Variants in EHMT1 observed in about 807,000 individuals in gnomAD.
EHMT1 encodes the protein euchromatic histone lysine methyltransferase 1, also known as histone-lysine N-methyltransferase EHMT1.
In EHMT1, 15 loss-of-function variants were observed where a neutral mutation model predicts 147.2. The observed-to-expected ratio is 0.10, with a 90% CI of 0.07 to 0.16. The LOEUF (loss-of-function observed/expected upper bound fraction) is 0.16. EHMT1 is among the 10% of genes least tolerant of loss of function. The pLI is 1.00. For missense variants in EHMT1, 1,587 were observed against 1,772.4 expected (o/e 0.90, Z 1.88); for synonymous variants, 795 against 709.6 (o/e 1.12, Z -1.91).
chr9:137,651,784 C>T lies in EHMT1; in HGVS notation c.21+32735C>T, dbSNP rs569539742. Among the ~76,000 whole-genome samples the T allele has an allele frequency of 8.6e-5, 13 of 152,024 alleles. No individual in the cohort carries two copies. In the East Asian group the frequency reaches 1.2e-3, roughly 14 times the overall value. On this transcript the variant is annotated intron_variant, in intron 1 of 26. Transcript: ENST00000460843. ...CACTCCAGCCTGAGTGACAGCGAGA[C>T]GCCGTCTCAAGAAAAGAAAAAAAAA...
intron 1 of EHMT1, among the ~76,000 whole-genome samples, chr9:137,664,143 G>C (rs1939377160): frequency 6.6e-6 from 1 of 152,038 alleles, no homozygotes; most frequent in African/African-American, 2.4e-5. Context: ...GGGCTCAAGT[G>C]ATCCTGCTGC....
chr9:137,707,202 A>G (rs1325449565), intron 1 of EHMT1, among the ~76,000 whole-genome samples: 1 of 152,220 alleles, frequency 6.6e-6, no homozygotes, highest in Non-Finnish European at 1.5e-5. Context: ...CGTCAGCCAT[A>G]AGGAGACTTG....
At chr9:137,658,202 G>A (rs1938683380) in intron 1 of EHMT1, among the ~76,000 whole-genome samples, 1 of 152,152 alleles carries the variant, frequency 6.6e-6, no homozygotes, top group Non-Finnish European at 1.5e-5. Flanking sequence ...CCAGGCTGGA[G>A]TGCTGCGGCA....
intron 1 of EHMT1, among the ~76,000 whole-genome samples, chr9:137,696,613 C>T (rs1588217960): frequency 6.6e-6 from 1 of 152,142 alleles, no homozygotes; most frequent in South Asian, 2.1e-4. Context: ...GAAGGACCTT[C>T]CTTCTAATAG....
chr9:137,715,265 A>G (rs1418846186), intron 2 of EHMT1, among the ~76,000 whole-genome samples: 1 of 152,210 alleles, frequency 6.6e-6, no homozygotes, highest in African/African-American at 2.4e-5. Context: ...CAATTAATTT[A>G]GCATTTACAT....
chr9:137,716,905 G>T lies in EHMT1; in HGVS notation c.365G>T (p.Ser122Ile), dbSNP rs1407532809. The T allele has an allele frequency of 1.2e-6, 2 of 1,612,994 alleles. No individual in the cohort carries two copies. Among genetic ancestry groups the T allele is most frequent in the African/African-American group, 2.7e-5 (2 of 74,890 alleles). Residue 122 changes from serine (S) to isoleucine (I), a missense_variant, in exon 3 of 27, where the codon AGC becomes ATC. Ser to Ile is a moderately radical substitution (Grantham distance 142). Transcript: ENST00000460843. ...TTTGTGCAGACTTCTGTCATCGGCA[G>T]CAACGGATACATCTTAAATAAGCCG... ...DDFVQTSVIG[S>I]NGYILNKPAL...
intron 1 of EHMT1, among the ~76,000 whole-genome samples, chr9:137,702,563 C>T (rs1383092360): frequency 6.6e-6 from 1 of 152,150 alleles, no homozygotes; most frequent in Non-Finnish European, 1.5e-5. Flanking sequence ...GCCTCTGTGG[C>T]TCTTCAGGGT....
intron 25 of EHMT1, among the ~76,000 whole-genome samples, chr9:137,831,380 C>A (rs927023770): frequency 6.6e-6 from 1 of 152,210 alleles, no homozygotes; most frequent in Non-Finnish European, 1.5e-5. Flanking sequence ...ACATGGAAAT[C>A]TTTCTCCTTC....
At chr9:137,668,047 A>G (rs900187959) in intron 1 of EHMT1, among the ~76,000 whole-genome samples, 3 of 152,194 alleles carry the variant, frequency 2.0e-5, no homozygotes, top group African/African-American at 4.8e-5. Context: ...CACCTCCTTT[A>G]TAGACTTTTG....
At chr9:137,821,107 A>C (rs796755297) in intron 25 of EHMT1, among the ~76,000 whole-genome samples, 45 of 152,270 alleles carry the variant, frequency 3.0e-4, no homozygotes, top group African/African-American at 1.1e-3. Flanking sequence ...TGATCTCCTG[A>C]CATCGTAATC....
rs1308596650 is a variant in EHMT1 at position 137,716,645 on chromosome 9, T to G, written c.105T>G (p.Asp35Glu). The G allele has an allele frequency of 1.3e-6, 2 of 1,578,124 alleles. No individual in the cohort carries two copies. Among genetic ancestry groups the G allele is most frequent in the Non-Finnish European group, 1.7e-6 (2 of 1,159,496 alleles). ...TGGCAGAGACACCTATGGCTGCCGA[T>G]GAAGGCTCAGCAGAGAAACAGGCAG... The part of the protein sequence containing the change: ...LLGEETPMAA[D>E]EGSAEKQAGE... Residue 35 changes from aspartate to glutamate, a missense_variant, in exon 3 of 27, where the codon GAT (aspartate) becomes GAG (glutamate). Transcript: ENST00000460843.
At chr9:137,689,163 G>T (rs990133002) in intron 1 of EHMT1, among the ~76,000 whole-genome samples, 1 of 152,164 alleles carries the variant, frequency 6.6e-6, no homozygotes, top group Admixed American at 6.5e-5. Context: ...TACAAAAGAA[G>T]TCTCTATGTA....
At chr9:137,627,258 A>ATTTTT (rs1196958635) in intron 1 of EHMT1, among the ~76,000 whole-genome samples, 3 of 113,860 alleles carry the variant, frequency 2.6e-5, no homozygotes, top group Admixed American at 9.2e-5. Flanking sequence ...ATGCCTGGCC[A>ATTTTT]TTTTTTTTTT....
intron 1 of EHMT1, among the ~76,000 whole-genome samples, chr9:137,681,653 C>T (rs1014453028): frequency 6.6e-6 from 1 of 152,140 alleles, no homozygotes; most frequent in East Asian, 1.9e-4. Context: ...CCTCCCACGC[C>T]CGTCCACTTT....
chr9:137,778,233 A>T (rs112598970), intron 13 of EHMT1, among the ~76,000 whole-genome samples, 178 bp downstream of exon 13: 8 of 152,206 alleles, frequency 5.3e-5, no homozygotes, highest in African/African-American at 1.9e-4. Context: ...TGTCCTCTGC[A>T]TTATAGTAAG....
intron 3 of EHMT1, among the ~76,000 whole-genome samples, chr9:137,719,361 G>C (rs1224679045): frequency 6.6e-6 from 1 of 152,088 alleles, no homozygotes; most frequent in Non-Finnish European, 1.5e-5. Context: ...CTGGACTGCT[G>C]GCTCCTCAGG....
Position 137,835,105 on chromosome 9 carries a change from T to G in EHMT1, c.*152T>G, listed in dbSNP as rs1956508187. Reference sequence around the variant, plus strand: ...GGGTCGGAGGTGAGGCTGCAGCCCCTGCGGGCGGGTGTGGATGCCTCCCAG... The same window carrying G: ...GGGTCGGAGGTGAGGCTGCAGCCCCGGCGGGCGGGTGTGGATGCCTCCCAG... On this transcript the variant is annotated 3_prime_UTR_variant, in exon 27 of 27. Transcript: ENST00000460843. 3.2e-6 allele frequency: 3 copies of G among 932,996 alleles called. No homozygotes were observed. The highest frequency in any genetic ancestry group is 2.9e-6 in the Non-Finnish European group (2 of 692,234). 57.8% of individuals were successfully genotyped at this position (932,996 alleles called of 1,614,324 possible).
chr9:137,704,160 A>G (rs180722741), intron 1 of EHMT1, among the ~76,000 whole-genome samples: 1 of 152,296 alleles, frequency 6.6e-6, no homozygotes, highest in East Asian at 1.9e-4. Flanking sequence ...GTTACCTCCC[A>G]TCAGGCCCCT....
In EHMT1 at chr9:137,794,920, C is replaced by T. The variant is rs143892650; in HGVS notation, c.2506-3893C>T. On this transcript the variant is annotated intron_variant, in intron 16 of 26. Transcript: ENST00000460843. ...AAGCTTCCAGGAGGAAAACTTAGCGCGTTGGGAATGAATGAGGGGCACCAG... is the reference window on the plus strand; with the variant it reads ...AAGCTTCCAGGAGGAAAACTTAGCGTGTTGGGAATGAATGAGGGGCACCAG... 2.7e-3 allele frequency among the ~76,000 whole-genome samples: 414 copies of T among 152,206 alleles called. 4 individuals are homozygous for T. Among genetic ancestry groups the T allele is most frequent in the Middle Eastern group, 0.01 (3 of 294 alleles).
Sources: allele counts gnomAD v4.1 joint callset (sites outside exome capture counted in the v4.1 genomes callset), GRCh38; gene constraint gnomAD v4.1.1; transcripts MANE v1.5; gene names NCBI Gene and HGNC (gene_info 2026-07-23, HGNC 2026-07-21).